ABI3BP: variants seen among roughly 807,000 people sequenced by gnomAD.
ABI3BP encodes the protein target of Nesh-SH3.
Under a neutral mutation model 268.6 loss-of-function variants are expected in ABI3BP, and 216 were observed. The observed-to-expected ratio is 0.80, with a 90% CI of 0.72 to 0.90. ABI3BP has a LOEUF of 0.90. Ranked by LOEUF, ABI3BP falls within the 40% of genes least tolerant of loss-of-function variation. The pLI, the probability that ABI3BP is intolerant of heterozygous loss-of-function variation, is 0.00. For missense variants in ABI3BP, 2,090 were observed against 2,182.4 expected, an observed-to-expected ratio of 0.96 and a Z score of 0.84; for synonymous variants, 730 against 730.0, an observed-to-expected ratio of 1.00 and a Z score of 0.00.
At position 100,833,144 on chromosome 3, in the gene ABI3BP, A is replaced by G; in HGVS notation, c.2295T>C (p.Ile765=). Residue 765 remains isoleucine (I), a synonymous_variant, in exon 30 of 68, where the codon ATT becomes ATC. Transcript: ENST00000471714. ...TLQTKLDFGP[I]TPGTSSAPTT... ...CATTACCTGAAGATGTCCCAGGAGT[A>G]ATAGGTCCAAAGTCTGTAGCAAGAA... 1 of 1,534,888 alleles carries G rather than the reference A, an allele frequency of 6.5e-7. No homozygotes were observed. Among genetic ancestry groups the G allele is most frequent in the Middle Eastern group, 1.7e-4 (1 of 5,964 alleles).
At chr3:100,820,037 C>T (rs2098172091) in intron 40 of ABI3BP, among the ~76,000 whole-genome samples, 183 bp downstream of exon 40, 1 of 151,978 alleles carries the variant, frequency 6.6e-6, no homozygotes, top group Admixed American at 6.6e-5. Flanking sequence ...AGGAATTCAC[C>T]TGCCACAAAG....
Position 100,822,646 on chromosome 3 carries a change from G to A in ABI3BP, c.2830C>T (p.Arg944Cys), listed in dbSNP as rs1200699434. ...LASKTSQRTR[R>C]PRLRTKTTPR... ...GTGGTTTTTGTTCTGAGACGTGGAC[G>A]ACGTGTCCGTTGTGATGTTTTGGAA... The change falls in exon 38 of 68, where the codon CGT becomes TGT. Residue 944 changes from arginine to cysteine, a missense_variant. By Grantham distance (180) the Arg-to-Cys change is radical. Coordinates refer to ENST00000471714, the MANE Select transcript of ABI3BP (RefSeq NM_001375547.2). 6.5e-6 allele frequency: 10 copies of A among 1,536,440 alleles called. No individual in the cohort carries two copies. The highest frequency in any genetic ancestry group is 2.4e-5 in the East Asian group (1 of 40,920).
chr3:100,857,756 G>A (rs1038847925), intron 14 of ABI3BP, among the ~76,000 whole-genome samples: 5 of 152,142 alleles, frequency 3.3e-5, no homozygotes, highest in Non-Finnish European at 5.9e-5. Context: ...TAACCCATTT[G>A]GAGTTAAGTT....
intron 56 of ABI3BP, among the ~76,000 whole-genome samples, chr3:100,788,982 C>T (rs967628796): frequency 1.3e-5 from 2 of 152,024 alleles, no homozygotes; most frequent in Non-Finnish European, 2.9e-5. Flanking sequence ...GTAAATTTAA[C>T]GTATTTCCCA....
At chr3:100,769,424 A>G (rs2096466449) in intron 62 of ABI3BP, among the ~76,000 whole-genome samples, 1 of 152,230 alleles carries the variant, frequency 6.6e-6, no homozygotes, top group African/African-American at 2.4e-5. Context: ...GATTAAACAT[A>G]TATACAATCA....
At chr3:100,777,937 T>C (rs2096755021) in intron 59 of ABI3BP, among the ~76,000 whole-genome samples, 2 of 152,210 alleles carry the variant, frequency 1.3e-5, no homozygotes, top group Non-Finnish European at 1.5e-5. Flanking sequence ...GATAAGTCAA[T>C]GACAAGTCAT....
intron 2 of ABI3BP, 70 bp from the exon 3 acceptor site, chr3:100,902,756 C>A: frequency 7.9e-7 from 1 of 1,269,834 alleles, no homozygotes; most frequent in East Asian, 2.4e-5. Flanking sequence ...ACACCCCTAC[C>A]CTGATTCAGC....
Position 100,911,820 on chromosome 3 carries a change from TG to T in ABI3BP, c.260-9135del, listed in dbSNP as rs1285704046. 13 of 1,571,410 alleles carry T rather than the reference TG, an allele frequency of 8.3e-6. No homozygotes were observed. The African/African-American group carries it at 1.6e-4, about 20-fold the overall frequency. ...AAAAATAAGTTCTTGGTTTGAAAAA[TG>T]CTCCTGCAAGTTTTTGTGAAGCAGC... On this transcript the variant is annotated intron_variant, in intron 2 of 67. Coordinates refer to ENST00000471714, the MANE Select transcript of ABI3BP (RefSeq NM_001375547.2).
At chr3:100,967,096 C>G (rs1291274220) in intron 1 of ABI3BP, among the ~76,000 whole-genome samples, 2 of 151,960 alleles carry the variant, frequency 1.3e-5, no homozygotes, top group Non-Finnish European at 2.9e-5. Context: ...AACTGTATAC[C>G]CTCTGGGGTT....
intron 4 of ABI3BP, among the ~76,000 whole-genome samples, chr3:100,889,057 T>G (rs955663483): frequency 6.6e-6 from 1 of 152,134 alleles, no homozygotes; most frequent in East Asian, 1.9e-4. Context: ...AAAGACATAT[T>G]GATTTAAGCC....
chr3:100,880,159 G>T (rs578165237), intron 6 of ABI3BP, among the ~76,000 whole-genome samples: 1 of 152,262 alleles, frequency 6.6e-6, no homozygotes, highest in South Asian at 2.1e-4. Flanking sequence ...GTACATCAGA[G>T]TCACAGATGT....
chr3:100,754,397 T>C (rs575010331), intron 64 of ABI3BP, among the ~76,000 whole-genome samples: 7 of 152,206 alleles, frequency 4.6e-5, no homozygotes, highest in Non-Finnish European at 1.0e-4. Flanking sequence ...ATAGATTCAT[T>C]ATGCTTTTTA....
chr3:100,948,683 C>T (rs2073616940), intron 1 of ABI3BP, among the ~76,000 whole-genome samples: 1 of 152,146 alleles, frequency 6.6e-6, no homozygotes, highest in Non-Finnish European at 1.5e-5. Flanking sequence ...CAATAATAGT[C>T]CCTGCATTCA....
Position 100,780,190 on chromosome 3 carries a change from C to T in ABI3BP, c.4182G>A (p.Arg1394=), listed in dbSNP as rs2096826825. ...ATACATTTCTATCAGCACCTGATGG[C>T]CTGGGTGCTTGCTTGACCCCTATGA... is the stretch of plus-strand genomic sequence containing the variant. The part of the protein sequence containing the change: ...GVGTGVKQAP[R]PSGADRNVSV... The change falls in exon 58 of 68, where the codon AGG becomes AGA. Residue 1394 remains arginine, a synonymous_variant. Coordinates refer to ENST00000471714, the MANE Select transcript of ABI3BP (RefSeq NM_001375547.2). 3 of 1,612,556 alleles carry T rather than the reference C, an allele frequency of 1.9e-6. No homozygotes were observed. The highest frequency in any genetic ancestry group is 1.7e-5 in the Admixed American group (1 of 59,902).
intron 57 of ABI3BP, among the ~76,000 whole-genome samples, chr3:100,784,390 G>A (rs902460571): frequency 3.9e-5 from 6 of 152,124 alleles, no homozygotes; most frequent in South Asian, 2.1e-4. Flanking sequence ...ATGAGATGGC[G>A]TGGATGTAGG....
intron 51 of ABI3BP, among the ~76,000 whole-genome samples, chr3:100,799,623 T>C (rs7638305): frequency 0.13 from 20,494 of 152,094 alleles, 1,800 homozygotes; most frequent in South Asian, 0.26. Context: ...CAACCTTCTC[T>C]TCTTAGGCCT....
chr3:100,841,910 A>C, intron 21 of ABI3BP, 88 bp downstream of exon 21: 7 of 1,185,658 alleles, frequency 5.9e-6, no homozygotes, highest in South Asian at 1.5e-5. Flanking sequence ...AGAAAAAAAA[A>C]AAAAAACAAA....
At chr3:100,858,922 A>G (rs1395864624) in intron 14 of ABI3BP, among the ~76,000 whole-genome samples, 1 of 152,190 alleles carries the variant, frequency 6.6e-6, no homozygotes, top group Non-Finnish European at 1.5e-5. Context: ...AACCAGTCAC[A>G]GCTTTAGCTT....
At chr3:100,953,464 A>T (rs2075803784) in intron 1 of ABI3BP, among the ~76,000 whole-genome samples, 1 of 152,324 alleles carries the variant, frequency 6.6e-6, no homozygotes, top group East Asian at 1.9e-4. Flanking sequence ...ATACTACATC[A>T]CCCATCAGTA....
Sources: gnomAD v4.1 joint callset for allele counts (sites outside exome capture counted in the v4.1 genomes callset) on GRCh38, gnomAD v4.1.1 for gene constraint, MANE v1.5 for transcripts, NCBI Gene and HGNC (gene_info 2026-07-23, HGNC 2026-07-21) for gene names.